VPS37A: variants seen among roughly 807,000 people sequenced by gnomAD.
VPS37A encodes vacuolar protein sorting-associated protein 37A.
In VPS37A, 30 loss-of-function variants were observed where a neutral mutation model predicts 49.8. The observed-to-expected ratio is 0.60, with a 90% CI of 0.45 to 0.82. The LOEUF (loss-of-function observed/expected upper bound fraction) is 0.82. VPS37A is among the 40% of genes least tolerant of loss of function. The probability of loss-of-function intolerance (pLI) is 0.00; values close to 1 mark genes in which losing one functional copy is unlikely to be tolerated. For synonymous variants in VPS37A, 195 were observed against 160.6 expected (o/e 1.21, Z -1.62); for missense variants, 593 against 464.4 (o/e 1.28, Z -2.55).
intron 11 of VPS37A, among the ~76,000 whole-genome samples, chr8:17,289,295 A>T (rs1815918954): frequency 1.3e-5 from 2 of 152,118 alleles, no homozygotes; most frequent in African/African-American, 4.8e-5. Flanking sequence ...CATGTCCTGA[A>T]TGGTATTGCC....
intron 3 of VPS37A, 60 bp downstream of exon 3, chr8:17,268,432 A>C: frequency 8.0e-7 from 1 of 1,249,576 alleles, no homozygotes; most frequent in East Asian, 2.4e-5. Context: ...TTTTCTACTA[A>C]ATATTTTAGA....
intron 4 of VPS37A, among the ~76,000 whole-genome samples, 162 bp downstream of exon 4, chr8:17,269,118 GT>G (rs747389617): frequency 6.6e-6 from 1 of 152,060 alleles, no homozygotes; most frequent in Non-Finnish European, 1.5e-5. Flanking sequence ...TCTTTTACCT[GT>G]TTCTTCTAAT....
chr8:17,303,069 TGTTATCACAGA>T (rs1817233199), downstream of VPS37A, among the ~76,000 whole-genome samples: 1 of 152,116 alleles, frequency 6.6e-6, no homozygotes, highest in African/African-American at 2.4e-5. Context: ...AGAAAAATGG[TGTTATCACAGA>T]GTTACCCTTA....
chr8:17,279,657 A>ATAAGC (rs1438141775), intron 6 of VPS37A: 1 of 348,128 alleles, frequency 2.9e-6, no homozygotes, highest in African/African-American at 2.2e-5. Flanking sequence ...CCTAAGCTGA[A>ATAAGC]TAAGCTCCTT....
intron 9 of VPS37A, 21 bp from the exon 10 acceptor site, chr8:17,284,452 G>T: frequency 6.4e-7 from 1 of 1,553,086 alleles, no homozygotes. Context: ...AATTAAAGTA[G>T]TGCCTGATTT....
At chr8:17,302,297 A>G, downstream of VPS37A, 1 of 1,611,740 alleles carries the variant, frequency 6.2e-7, no homozygotes, top group Non-Finnish European at 8.5e-7. Context: ...AGGATGGCAA[A>G]GCGTCGTGAT....
At chr8:17,328,318 C>T in the VPS37A span, among the ~76,000 whole-genome samples, 1 of 152,140 alleles carries the variant, frequency 6.6e-6, no homozygotes, top group East Asian at 1.9e-4. Context: ...ACCACTTCCT[C>T]CCCAACACCC....
chr8:17,280,267 G>A lies in VPS37A; in HGVS notation c.870G>A (p.Leu290=). Residue 290 remains leucine (L), a synonymous_variant, in exon 8 of 12, where the codon TTG becomes TTA. Coordinates refer to ENST00000324849, the MANE Select transcript of VPS37A (RefSeq NM_152415.3). The stretch of plus-strand genomic sequence containing the variant: ...AAAATCTCCTTTTGGAGCCCAGCTT[G>A]GAAGCCAAAAGACAAACTGTTTTAG... The part of the protein sequence containing the change: ...ARKNLLLEPS[L]EAKRQTVLDK... 6.2e-7 allele frequency: 1 copy of A among 1,612,604 alleles called. No homozygotes were observed. Among genetic ancestry groups the A allele is most frequent in the South Asian group, 1.1e-5 (1 of 90,786 alleles).
intron 10 of VPS37A, 134 bp from the exon 11 acceptor site, chr8:17,286,213 T>G: frequency 3.0e-6 from 2 of 661,888 alleles, no homozygotes; most frequent in Non-Finnish European, 5.1e-6. Flanking sequence ...AGCTATTAGA[T>G]TATTAGCTAT....
At chr8:17,249,362 A>G (rs1811761411) in intron 1 of VPS37A, among the ~76,000 whole-genome samples, 2 of 152,188 alleles carry the variant, frequency 1.3e-5, no homozygotes, top group African/African-American at 2.4e-5. Context: ...TTTATGTATT[A>G]TTTTTTGAAC....
At chr8:17,289,257 T>G (rs985316637) in intron 11 of VPS37A, among the ~76,000 whole-genome samples, 5 of 152,206 alleles carry the variant, frequency 3.3e-5, no homozygotes, top group Admixed American at 2.0e-4. Flanking sequence ...TTTTTTTGTG[T>G]TTTAGACATG....
At chr8:17,313,323 G>A in the VPS37A span, 1 of 1,612,864 alleles carries the variant, frequency 6.2e-7, no homozygotes, top group South Asian at 1.1e-5. Flanking sequence ...ATCCATTATG[G>A]CTTTAATGTG....
chr8:17,315,301 G>C, the VPS37A span, among the ~76,000 whole-genome samples: 1 of 152,104 alleles, frequency 6.6e-6, no homozygotes, highest in Non-Finnish European at 1.5e-5. Context: ...CAAAACTACG[G>C]AGACAGTAAA....
At chr8:17,268,455 A>T in intron 3 of VPS37A, 83 bp downstream of exon 3, 8 of 1,052,474 alleles carry the variant, frequency 7.6e-6, no homozygotes, top group Non-Finnish European at 1.1e-5. Flanking sequence ...TCTGAAATGC[A>T]TTTAAAGTTT....
rs200518641 is a variant in VPS37A, at chr8:17,249,018, A to G, written c.125+1649A>G. Among the ~76,000 whole-genome samples the G allele has an allele frequency of 6.6e-5, 10 of 152,360 alleles. No homozygotes were observed. In the East Asian group the frequency reaches 1.7e-3, roughly 26 times the overall value. ...CCCTTAGAAGTTGTTACCTTGGTAGACTATATACCAAACCAGTCCTGCTAT... is the reference window on the plus strand; with the variant it reads ...CCCTTAGAAGTTGTTACCTTGGTAGGCTATATACCAAACCAGTCCTGCTAT... On this transcript the variant is annotated intron_variant, in intron 1 of 11. Coordinates refer to ENST00000324849, the MANE Select transcript of VPS37A (RefSeq NM_152415.3).
downstream of VPS37A, chr8:17,302,370 A>T (rs2150461292): frequency 2.2e-6 from 3 of 1,356,250 alleles, no homozygotes; most frequent in African/African-American, 1.5e-5. Context: ...ATGATACCAC[A>T]GTCTTAATAA....
chr8:17,268,801 A>T lies in VPS37A; in HGVS notation c.316-55A>T, dbSNP rs528960276. The T allele has an allele frequency of 5.0e-5, 60 of 1,189,942 alleles. No individual in the cohort carries two copies. The African/African-American group carries it at 8.3e-4, about 17-fold the overall frequency. The allele number at this position is 1,189,942 out of a possible 1,614,324, so 73.7% of individuals were successfully genotyped here. A position where few individuals can be genotyped will look rare whatever the true frequency, so the allele number is the denominator to read the frequency against. ...TTTAGAGTGACATTATCCTAATGAG[A>T]CTTTATAATCTTTTTCTGGAAGTGA... On this transcript the variant is annotated intron_variant, in intron 3 of 11. Transcript: ENST00000324849.
chr8:17,306,079 G>A (rs1302488117), downstream of VPS37A: 8 of 764,270 alleles, frequency 1.0e-5, no homozygotes, highest in South Asian at 2.2e-5. Context: ...TTACAAACTT[G>A]GAATGACAAA....
In VPS37A at chr8:17,247,381, C is replaced by T. The variant is rs1402055173; in HGVS notation, c.125+12C>T. 1 of 1,494,898 alleles carries T rather than the reference C, an allele frequency of 6.7e-7. No individual in the cohort carries two copies. Among genetic ancestry groups the T allele is most frequent in the Non-Finnish European group, 9.0e-7 (1 of 1,114,564 alleles). 92.6% of individuals were successfully genotyped at this position (1,494,898 alleles called of 1,614,324 possible). On this transcript the variant is annotated intron_variant, in intron 1 of 11. Coordinates refer to ENST00000324849, the MANE Select transcript of VPS37A (RefSeq NM_152415.3). ...AACTCACACTCCAGGTGACTGGTCGCTGCCTCTCCACCGGAGGAAAAAGTA... is the reference window on the plus strand; with the variant it reads ...AACTCACACTCCAGGTGACTGGTCGTTGCCTCTCCACCGGAGGAAAAAGTA...
Sources: allele counts gnomAD v4.1 joint callset (sites outside exome capture counted in the v4.1 genomes callset), GRCh38; gene constraint gnomAD v4.1.1; transcripts MANE v1.5; gene names NCBI Gene and HGNC (gene_info 2026-07-23, HGNC 2026-07-21).